Variants in OR52K1 observed in about 807,000 individuals in gnomAD.
OR52K1 encodes olfactory receptor family 52 subfamily K member 1.
A neutral mutation model predicts 8.7 loss-of-function variants in OR52K1; 10 were observed. That is an observed-to-expected ratio of 1.15 (90% CI 0.71 to 1.95). OR52K1 has a LOEUF of 1.95. Ranked by LOEUF, OR52K1 falls within the 30% of genes most tolerant of loss-of-function variation. The pLI is 0.00. For missense variants in OR52K1, 431 were observed against 397.2 expected, an observed-to-expected ratio of 1.08 and a Z score of -0.72; for synonymous variants, 203 against 148.5, an observed-to-expected ratio of 1.37 and a Z score of -2.67.
chr11:4,483,151 C>G lies in OR52K1; in HGVS notation c.-354C>G. The G allele has an allele frequency of 2.5e-6, 1 of 398,586 alleles. No homozygotes were observed. Among genetic ancestry groups the G allele is most frequent in the East Asian group, 3.6e-5 (1 of 28,088 alleles). The allele number at this position is 398,586 out of a possible 1,614,324, so 24.7% of individuals were successfully genotyped here. On this transcript the variant is annotated 5_prime_UTR_variant, in exon 1 of 2. Transcript: ENST00000641528. ...TTAGTCAAGAGGAAGAAAACGAGGC[C>G]TGAACTAGAAAGATGGCAGGGAAAG...
At chr11:4,485,336 AAC>A (rs1208268565) in intron 1 of OR52K1, among the ~76,000 whole-genome samples, 1 of 152,078 alleles carries the variant, frequency 6.6e-6, no homozygotes, top group African/African-American at 2.4e-5. Flanking sequence ...GGCGATCTCA[AAC>A]AGTTTTGTGG....
Position 4,492,965 on chromosome 11 carries a change from A to G in OR52K1, c.*3120A>G, listed in dbSNP as rs1328520783. 3 of 163,614 alleles carry G rather than the reference A, an allele frequency of 1.8e-5. No homozygotes were observed. The highest frequency in any genetic ancestry group is 2.6e-5 in the Non-Finnish European group (2 of 76,922). 10.1% of individuals were successfully genotyped at this position (163,614 alleles called of 1,614,324 possible). A position where few individuals can be genotyped will look rare whatever the true frequency, so the allele number is the denominator to read the frequency against. ...GGGTAAAGAGTGTGAGTCATCTCCAATGGTTGATAAGGTCACATAAGTCAC... is the reference window on the plus strand; with the variant it reads ...GGGTAAAGAGTGTGAGTCATCTCCAGTGGTTGATAAGGTCACATAAGTCAC... On this transcript the variant is annotated 3_prime_UTR_variant, in exon 2 of 2. Coordinates refer to ENST00000641528, the MANE Select transcript of OR52K1 (RefSeq NM_001005171.3).
At chr11:4,483,295 T>C in intron 1 of OR52K1, 119 bp downstream of exon 1, 2 of 396,724 alleles carry the variant, frequency 5.0e-6, no homozygotes, top group East Asian at 7.2e-5. Context: ...TCTGATATCC[T>C]TTTAAGATAA....
Position 4,483,130 on chromosome 11 carries a change from T to C in OR52K1, c.-375T>C. The C allele has an allele frequency of 2.5e-6, 1 of 398,618 alleles. No homozygotes were observed. Among genetic ancestry groups the C allele is most frequent in the Non-Finnish European group, 4.4e-6 (1 of 226,056 alleles). 24.7% of individuals were successfully genotyped at this position (398,618 alleles called of 1,614,324 possible). ...CCCAGTTAAAGGGCTTCTGCATTAG[T>C]CAAGAGGAAGAAAACGAGGCCTGAA... is the stretch of plus-strand genomic sequence containing the variant. On this transcript the variant is annotated 5_prime_UTR_variant, in exon 1 of 2. Coordinates refer to ENST00000641528, the MANE Select transcript of OR52K1 (RefSeq NM_001005171.3).
At chr11:4,485,264 C>A (rs1159284993) in intron 1 of OR52K1, among the ~76,000 whole-genome samples, 1 of 152,190 alleles carries the variant, frequency 6.6e-6, no homozygotes, top group Non-Finnish European at 1.5e-5. Context: ...CCCATCCATT[C>A]TTAATGTTGG....
At chr11:4,484,261 TG>T (rs1846302974) in intron 1 of OR52K1, among the ~76,000 whole-genome samples, 1 of 152,202 alleles carries the variant, frequency 6.6e-6, no homozygotes, top group South Asian at 2.1e-4. Flanking sequence ...TGGAACTTTG[TG>T]TACTTGTTAG....
Position 4,489,576 on chromosome 11 carries a change from G to A in OR52K1, c.676G>A (p.Ala226Thr). ...CCTGTCTTATGTCTTCATCCTTCAG[G>A]CAGTTCTCCAGCTTGCCTCTCAGGA... is the stretch of plus-strand genomic sequence containing the variant. ...VILSYVFILQAVLQLASQEAR... is the reference protein window; with the variant it reads ...VILSYVFILQTVLQLASQEAR... The change falls in exon 2 of 2, where the codon GCA (alanine) becomes ACA (threonine). Residue 226 changes from alanine to threonine, a missense_variant. By Grantham distance (58) the Ala-to-Thr change is moderately conservative. Coordinates refer to ENST00000641528, the MANE Select transcript of OR52K1 (RefSeq NM_001005171.3). The A allele has an allele frequency of 1.2e-6, 2 of 1,614,138 alleles. No homozygotes were observed. The highest frequency in any genetic ancestry group is 1.7e-6 in the Non-Finnish European group (2 of 1,180,032).
chr11:4,487,000 A>T (rs547042503), intron 1 of OR52K1, among the ~76,000 whole-genome samples: 1 of 151,796 alleles, frequency 6.6e-6, no homozygotes, highest in South Asian at 2.1e-4. Context: ...AAAGTTGCTC[A>T]GCGGTCCAGT....
Position 4,491,424 on chromosome 11 carries a change from T to C in OR52K1, c.*1579T>C, listed in dbSNP as rs140623943. ...AAATACCATTTGACTGAGTGATCCT[T>C]TAGTGGGTATGTACCCAAAGGAACC... On this transcript the variant is annotated 3_prime_UTR_variant, in exon 2 of 2. Transcript: ENST00000641528. The C allele has an allele frequency of 1.1e-4, 16 of 152,330 alleles. No homozygotes were observed. The highest frequency in any genetic ancestry group is 3.8e-4 in the African/African-American group (16 of 41,578). 9.4% of individuals were successfully genotyped at this position (152,330 alleles called of 1,614,324 possible). A position where few individuals can be genotyped will look rare whatever the true frequency, so the allele number is the denominator to read the frequency against.
In OR52K1 at chr11:4,489,499, A is replaced by G. The variant is rs373087773; in HGVS notation, c.599A>G (p.Tyr200Cys). The change falls in exon 2 of 2, where the codon TAT becomes TGT. Residue 200 changes from tyrosine to cysteine, a missense_variant. By Grantham distance (194) the Tyr-to-Cys change is radical. Coordinates refer to ENST00000641528, the MANE Select transcript of OR52K1 (RefSeq NM_001005171.3). ...GGGGACACTAGCTTCAACAATATCTATGGCATTGCTGTGGCCATGTTTATT... is the reference window on the plus strand; with the variant it reads ...GGGGACACTAGCTTCAACAATATCTGTGGCATTGCTGTGGCCATGTTTATT... ...ACGDTSFNNI[Y>C]GIAVAMFIVV... 3.7e-5 allele frequency: 60 copies of G among 1,614,028 alleles called. No homozygotes were observed. Among genetic ancestry groups the G allele is most frequent in the Admixed American group, 6.7e-5 (4 of 60,012 alleles).
intron 1 of OR52K1, among the ~76,000 whole-genome samples, chr11:4,484,568 G>C (rs917799410): frequency 2.0e-5 from 3 of 152,136 alleles, no homozygotes; most frequent in Admixed American, 1.3e-4. Flanking sequence ...TGACATATCT[G>C]TGAGGAAGAT....
chr11:4,483,623 C>A (rs1290505321), intron 1 of OR52K1, among the ~76,000 whole-genome samples: 1 of 129,950 alleles, frequency 7.7e-6, no homozygotes, highest in Non-Finnish European at 1.6e-5. Flanking sequence ...AGAAGAGATG[C>A]CTTTTTTTCT....
At position 4,488,840 on chromosome 11, in the gene OR52K1, GA is replaced by G. The variant is rs1194848068; in HGVS notation, c.-59del. On this transcript the variant is annotated 5_prime_UTR_variant, in exon 2 of 2. Coordinates refer to ENST00000641528, the MANE Select transcript of OR52K1 (RefSeq NM_001005171.3). ...TTGAACTCTAATCATATATACTGTA[GA>G]AGGTATATATAGAAGGTGAAGAAGC... 1.8e-6 allele frequency: 2 copies of G among 1,123,398 alleles called. No individual in the cohort carries two copies. The highest frequency in any genetic ancestry group is 2.6e-6 in the Non-Finnish European group (2 of 755,406). The allele number at this position is 1,123,398 out of a possible 1,614,324, so 69.6% of individuals were successfully genotyped here.
At chr11:4,484,825 A>G (rs932358115) in intron 1 of OR52K1, among the ~76,000 whole-genome samples, 4 of 131,766 alleles carry the variant, frequency 3.0e-5, no homozygotes, top group African/African-American at 1.1e-4. Context: ...TCTGTTCTAA[A>G]ACACACAGAC....
At chr11:4,483,622 G>GT (rs1317871130) in intron 1 of OR52K1, among the ~76,000 whole-genome samples, 1 of 129,662 alleles carries the variant, frequency 7.7e-6, no homozygotes, top group Non-Finnish European at 1.6e-5. Flanking sequence ...TAGAAGAGAT[G>GT]CCTTTTTTTC....
In OR52K1 at chr11:4,489,587, G is replaced by C; in HGVS notation, c.687G>C (p.Gln229His). The part of the protein sequence containing the change: ...SYVFILQAVL[Q>H]LASQEARYKA... ...TCTTCATCCTTCAGGCAGTTCTCCA[G>C]CTTGCCTCTCAGGAGGCCCGCTACA... Residue 229 changes from glutamine to histidine, a missense_variant, in exon 2 of 2, where the codon CAG (glutamine) becomes CAC (histidine). Gln to His is a conservative substitution (Grantham distance 24). Transcript: ENST00000641528. 1 of 1,614,190 alleles carries C rather than the reference G, an allele frequency of 6.2e-7. No individual in the cohort carries two copies. Among genetic ancestry groups the C allele is most frequent in the Non-Finnish European group, 8.5e-7 (1 of 1,180,028 alleles).
At position 4,491,482 on chromosome 11, in the gene OR52K1, T is replaced by C. The variant is rs1473058587; in HGVS notation, c.*1637T>C. 1 of 152,154 alleles carries C rather than the reference T, an allele frequency of 6.6e-6. No individual in the cohort carries two copies. Among genetic ancestry groups the C allele is most frequent in the Non-Finnish European group, 1.5e-5 (1 of 68,010 alleles). 9.4% of individuals were successfully genotyped at this position (152,154 alleles called of 1,614,324 possible). Reference sequence around the variant, plus strand: ...TTCTACCATAAAGATAACATGTATGTGTACATTCACTGCAGCACTATTCAC... The same window carrying C: ...TTCTACCATAAAGATAACATGTATGCGTACATTCACTGCAGCACTATTCAC... On this transcript the variant is annotated 3_prime_UTR_variant, in exon 2 of 2. Transcript: ENST00000641528.
In OR52K1 at chr11:4,492,039, T is replaced by A. The variant is rs1846379515; in HGVS notation, c.*2194T>A. Reference sequence around the variant, plus strand: ...TTATTGCAGAGGTGTGTGATACATATGCACCATGGAATACTATACAGCCAT... The same window carrying A: ...TTATTGCAGAGGTGTGTGATACATAAGCACCATGGAATACTATACAGCCAT... On this transcript the variant is annotated 3_prime_UTR_variant, in exon 2 of 2. Transcript: ENST00000641528. 1 of 152,014 alleles carries A rather than the reference T, an allele frequency of 6.6e-6. No individual in the cohort carries two copies. Among genetic ancestry groups the A allele is most frequent in the African/African-American group, 2.4e-5 (1 of 41,390 alleles). The allele number at this position is 152,014 out of a possible 1,614,324, so 9.4% of individuals were successfully genotyped here. A position where few individuals can be genotyped will look rare whatever the true frequency, so the allele number is the denominator to read the frequency against.
Position 4,488,752 on chromosome 11 carries a change from T to A in OR52K1, c.-149T>A, listed in dbSNP as rs750464578. 2 of 627,208 alleles carry A rather than the reference T, an allele frequency of 3.2e-6. No individual in the cohort carries two copies. The highest frequency in any genetic ancestry group is 5.7e-6 in the Non-Finnish European group (2 of 353,782). 38.9% of individuals were successfully genotyped at this position (627,208 alleles called of 1,614,324 possible). ...CTCCATGTCTATGAAGGCTGCTAGG[T>A]TATTTTGTTTAAAGTCTAGCAATGG... On this transcript the variant is annotated 5_prime_UTR_variant, in exon 2 of 2. Transcript: ENST00000641528.
Sources: allele counts gnomAD v4.1 joint callset (sites outside exome capture counted in the v4.1 genomes callset), GRCh38; gene constraint gnomAD v4.1.1; transcripts MANE v1.5; gene names NCBI Gene and HGNC (gene_info 2026-07-23, HGNC 2026-07-21).